SDR42E1: variants seen among roughly 807,000 people sequenced by gnomAD.
The protein encoded by SDR42E1 is short chain dehydrogenase/reductase family 42E, member 1, also known as short-chain dehydrogenase/reductase family 42E member 1.
A neutral mutation model predicts 2.6 loss-of-function variants in SDR42E1; 5 were observed. The ratio of observed to expected loss-of-function variants is 1.94; its 90% confidence interval spans 1.01 to 4.08. The LOEUF (loss-of-function observed/expected upper bound fraction) is 4.08. SDR42E1 is among the 30% of genes most tolerant of loss of function. The probability of loss-of-function intolerance (pLI) is 0.00; values close to 1 mark genes in which losing one functional copy is unlikely to be tolerated. For missense variants in SDR42E1, 596 were observed against 478.6 expected (o/e 1.25, Z -2.29); for synonymous variants, 231 against 188.3 (o/e 1.23, Z -1.86).
rs1424121626 is a variant in SDR42E1, at chr16:81,992,085, G to A, written c.*7026C>T. 1 of 152,150 alleles carries A rather than the reference G, an allele frequency of 6.6e-6. No individual in the cohort carries two copies. Among genetic ancestry groups the A allele is most frequent in the African/African-American group, 2.4e-5 (1 of 41,376 alleles). 9.4% of individuals were successfully genotyped at this position (152,150 alleles called of 1,614,324 possible). On this transcript the variant is annotated 3_prime_UTR_variant, in exon 3 of 3. Coordinates refer to ENST00000328945, the MANE Select transcript of SDR42E1 (RefSeq NM_145168.3). Reference sequence around the variant, plus strand: ...GCAGAAGAATCGCTTGAACCCAGGAGGTGGAGGTTGCAGTGAGCTGAGATC... The same window carrying A: ...GCAGAAGAATCGCTTGAACCCAGGAAGTGGAGGTTGCAGTGAGCTGAGATC...
At position 81,990,287 on chromosome 16, in the gene SDR42E1, G is replaced by A. The variant is rs187923478; in HGVS notation, c.*8824C>T. ...TACACTTCAGCCTGGTCGACAGAGT[G>A]ACACCATGTCTCAAAAGAAAAAAAG... On this transcript the variant is annotated 3_prime_UTR_variant, in exon 3 of 3. Coordinates refer to ENST00000328945, the MANE Select transcript of SDR42E1 (RefSeq NM_145168.3). 3.9e-5 allele frequency: 6 copies of A among 152,220 alleles called. No individual in the cohort carries two copies. The highest frequency in any genetic ancestry group is 3.9e-4 in the East Asian group (2 of 5,182). 9.4% of individuals were successfully genotyped at this position (152,220 alleles called of 1,614,324 possible). A position where few individuals can be genotyped will look rare whatever the true frequency, so the allele number is the denominator to read the frequency against.
At chr16:82,004,166 T>C (rs1465205167) in intron 1 of SDR42E1, among the ~76,000 whole-genome samples, 2 of 152,190 alleles carry the variant, frequency 1.3e-5, no homozygotes, top group African/African-American at 4.8e-5. Context: ...ACTGTTATAA[T>C]GTTGGTATAA....
At position 82,000,903 on chromosome 16, in the gene SDR42E1, A is replaced by G. The variant is rs749132781; in HGVS notation, c.-26-19T>C. The G allele has an allele frequency of 2.6e-6, 4 of 1,525,070 alleles. No individual in the cohort carries two copies. The highest frequency in any genetic ancestry group is 1.4e-5 in the African/African-American group (1 of 71,746). 94.5% of individuals were successfully genotyped at this position (1,525,070 alleles called of 1,614,324 possible). ...ACTGGACCTGAAGAAAGAAGTATGC[A>G]TCACTGTTACTGATCCAAATGCAAA... On this transcript the variant is annotated intron_variant, in intron 1 of 2. Coordinates refer to ENST00000328945, the MANE Select transcript of SDR42E1 (RefSeq NM_145168.3).
rs1779290608 is a variant in SDR42E1 at position 81,998,167 on chromosome 16, T to G, written c.*944A>C. 6.6e-6 allele frequency: 1 copy of G among 152,198 alleles called. No homozygotes were observed. The highest frequency in any genetic ancestry group is 2.4e-5 in the African/African-American group (1 of 41,448). 9.4% of individuals were successfully genotyped at this position (152,198 alleles called of 1,614,324 possible). On this transcript the variant is annotated 3_prime_UTR_variant, in exon 3 of 3. Coordinates refer to ENST00000328945, the MANE Select transcript of SDR42E1 (RefSeq NM_145168.3). ...TTCAGAGAGCCAATCTTCTTCCCAG[T>G]AAGAAAACCCATCTATGAGTTTAGA... is the stretch of plus-strand genomic sequence containing the variant.
At chr16:82,010,736 T>G (rs1339738190) in intron 1 of SDR42E1, among the ~76,000 whole-genome samples, 1 of 152,186 alleles carries the variant, frequency 6.6e-6, no homozygotes, top group African/African-American at 2.4e-5. Flanking sequence ...CTCCCTAAAA[T>G]GTAGAAAACG....
At position 81,999,746 on chromosome 16, in the gene SDR42E1, G is replaced by T. The variant is rs928988061; in HGVS notation, c.547C>A (p.Leu183Met). ...RGDGVLRTCA[L>M]RPAGIYGPGE... ...GGCCCATAGATGCCAGCTGGCCTCAGAGCGCAGGTTCTTAAGACACCGTCG... is the reference window on the plus strand; with the variant it reads ...GGCCCATAGATGCCAGCTGGCCTCATAGCGCAGGTTCTTAAGACACCGTCG... The change falls in exon 3 of 3, where the codon CTG becomes ATG. Residue 183 changes from leucine to methionine, a missense_variant. Leu to Met is a conservative substitution (Grantham distance 15, BLOSUM62 2). Transcript: ENST00000328945. 6.2e-7 allele frequency: 1 copy of T among 1,614,218 alleles called. No individual in the cohort carries two copies. Among genetic ancestry groups the T allele is most frequent in the East Asian group, 2.2e-5 (1 of 44,884 alleles).
chr16:81,999,584 C>T lies in SDR42E1; in HGVS notation c.709G>A (p.Glu237Lys), dbSNP rs1421696937. The change falls in exon 3 of 3, where the codon GAA becomes AAA. Residue 237 changes from glutamate to lysine, a missense_variant. Transcript: ENST00000328945. Reference sequence around the variant, plus strand: ...TGGCCCTTGTCAGCTCTCAGGGCTTCTGAGGCCAGAATGTGAGCCTGCACC... The same window carrying T: ...TGGCCCTTGTCAGCTCTCAGGGCTTTTGAGGCCAGAATGTGAGCCTGCACC... ...NLVQAHILAS[E>K]ALRADKGHIA... The T allele has an allele frequency of 2.8e-5, 46 of 1,614,040 alleles. No homozygotes were observed. The highest frequency in any genetic ancestry group is 3.6e-5 in the Non-Finnish European group (43 of 1,180,044).
At position 81,999,220 on chromosome 16, in the gene SDR42E1, C is replaced by T. The variant is rs370090752; in HGVS notation, c.1073G>A (p.Ser358Asn). ...ACACTCCGAGTCACGACTTCCAGAACTTCTGCCATGACCATGGGCTTTAAA... is the reference window on the plus strand; with the variant it reads ...ACACTCCGAGTCACGACTTCCAGAATTTCTGCCATGACCATGGGCTTTAAA... Reference protein sequence around the residue: ...EWFKAHGHGRSSGSRDSECFV... With the variant: ...EWFKAHGHGRNSGSRDSECFV... Residue 358 changes from serine to asparagine, a missense_variant, in exon 3 of 3, where the codon AGT (serine) becomes AAT (asparagine). Physicochemically the swap from Ser to Asn is conservative, Grantham distance 46. Coordinates refer to ENST00000328945, the MANE Select transcript of SDR42E1 (RefSeq NM_145168.3). 1.2e-5 allele frequency: 19 copies of T among 1,614,128 alleles called. No homozygotes were observed. In the African/African-American group the frequency reaches 2.0e-4, roughly 17 times the overall value.
intron 1 of SDR42E1, among the ~76,000 whole-genome samples, chr16:82,009,131 A>C (rs1913042918): frequency 6.6e-6 from 1 of 152,184 alleles, no homozygotes. Context: ...GGATGTATGG[A>C]AACTCCTGGA....
rs1912699462 is a variant in SDR42E1, at chr16:82,000,051, G to A, written c.242C>T (p.Ser81Phe). The change falls in exon 3 of 3, where the codon TCT (serine) becomes TTT (phenylalanine). Residue 81 changes from serine to phenylalanine, a missense_variant. Transcript: ENST00000328945. ...ADVTCVFHIA[S>F]YGMSGREQLN... ...TTGCTCCCGCCCTGACATACCATAA[G>A]AGGCAATATGGAACACACAAGTGAC... 6.2e-7 allele frequency: 1 copy of A among 1,614,210 alleles called. No homozygotes were observed. The highest frequency in any genetic ancestry group is 8.5e-7 in the Non-Finnish European group (1 of 1,180,040).
At chr16:82,008,123 C>A (rs1324273660) in intron 1 of SDR42E1, among the ~76,000 whole-genome samples, 1 of 152,212 alleles carries the variant, frequency 6.6e-6, no homozygotes, top group Non-Finnish European at 1.5e-5. Context: ...AACTCTCTTG[C>A]CAGCCACCAT....
At position 82,000,192 on chromosome 16, in the gene SDR42E1, T is replaced by C; in HGVS notation, c.101A>G (p.His34Arg). ...LGCALNQNGV[H>R]VILFDISSPA... is the part of the protein sequence containing the mutation. ...GCTGCTGATGTCAAACAGAATCACATGGACTCCATTTTGGTTCAGGGCACA... is the reference window on the plus strand; with the variant it reads ...GCTGCTGATGTCAAACAGAATCACACGGACTCCATTTTGGTTCAGGGCACA... Residue 34 changes from histidine to arginine, a missense_variant, in exon 3 of 3, where the codon CAT becomes CGT. Coordinates refer to ENST00000328945, the MANE Select transcript of SDR42E1 (RefSeq NM_145168.3). 1.9e-6 allele frequency: 3 copies of C among 1,610,128 alleles called. No homozygotes were observed. The highest frequency in any genetic ancestry group is 1.3e-5 in the African/African-American group (1 of 75,006).
chr16:81,999,974 G>C lies in SDR42E1; in HGVS notation c.319C>G (p.Leu107Val), dbSNP rs1370586954. ...ACCCTTCTCCTTTGGCAAACCTGGA[G>C]GATGTTGTCTGTGCCCCTGACGTTG... is the stretch of plus-strand genomic sequence containing the variant. ...EVNVRGTDNI[L>V]QVCQRRRVPR... The change falls in exon 3 of 3, where the codon CTC becomes GTC. Residue 107 changes from leucine to valine, a missense_variant. Coordinates refer to ENST00000328945, the MANE Select transcript of SDR42E1 (RefSeq NM_145168.3). The C allele has an allele frequency of 6.2e-7, 1 of 1,614,212 alleles. No homozygotes were observed. The highest frequency in any genetic ancestry group is 2.2e-5 in the East Asian group (1 of 44,876).
At position 82,000,810 on chromosome 16, in the gene SDR42E1, T is replaced by A. The variant is rs1416251947; in HGVS notation, c.49A>T (p.Ser17Cys). Residue 17 changes from serine (S) to cysteine (C), a missense_variant, in exon 2 of 3, where the codon AGT (serine) becomes TGT (cysteine). Ser to Cys is a moderately radical substitution (Grantham distance 112, BLOSUM62 -1). Coordinates refer to ENST00000328945, the MANE Select transcript of SDR42E1 (RefSeq NM_145168.3). Reference protein sequence around the residue: ...QKESVLITGGSGYFGFRLGCA... With the variant: ...QKESVLITGGCGYFGFRLGCA... ...ACTTACCGAAAACCAAAATAGCCACTTCCTCCTGTAATGAGGACACTTTCC... is the reference window on the plus strand; with the variant it reads ...ACTTACCGAAAACCAAAATAGCCACATCCTCCTGTAATGAGGACACTTTCC... 1 of 1,613,694 alleles carries A rather than the reference T, an allele frequency of 6.2e-7. No individual in the cohort carries two copies. Among genetic ancestry groups the A allele is most frequent in the South Asian group, 1.1e-5 (1 of 90,996 alleles).
chr16:82,008,547 G>A (rs757263668), intron 1 of SDR42E1, among the ~76,000 whole-genome samples: 3 of 152,178 alleles, frequency 2.0e-5, no homozygotes, highest in African/African-American at 4.8e-5. Context: ...AAAGTGACTC[G>A]TTATGTTTTA....
chr16:82,000,923 T>G, intron 1 of SDR42E1, 39 bp from the exon 2 acceptor site: 1 of 1,376,804 alleles, frequency 7.3e-7, no homozygotes, highest in Non-Finnish European at 1.0e-6. Context: ...CTGATCCAAA[T>G]GCAAACGTCA....
chr16:82,006,016 A>G (rs557828181), intron 1 of SDR42E1, among the ~76,000 whole-genome samples: 1 of 152,222 alleles, frequency 6.6e-6, no homozygotes, highest in Non-Finnish European at 1.5e-5. Flanking sequence ...AATGCTAAAG[A>G]TCAGAAATAA....
chr16:82,011,007 C>G (rs933039819), intron 1 of SDR42E1, among the ~76,000 whole-genome samples: 1 of 152,172 alleles, frequency 6.6e-6, no homozygotes. Context: ...GTCACTGCCA[C>G]TTTTAAGTGG....
In SDR42E1 at chr16:81,994,033, G is replaced by A. The variant is rs1367525552; in HGVS notation, c.*5078C>T. ...GCTGCCTTTGGAAACCACGGGGTAGGATCACCTGTACCCAGGAGTGGACTG... is the reference window on the plus strand; with the variant it reads ...GCTGCCTTTGGAAACCACGGGGTAGAATCACCTGTACCCAGGAGTGGACTG... On this transcript the variant is annotated 3_prime_UTR_variant, in exon 3 of 3. Transcript: ENST00000328945. 5 of 152,174 alleles carry A rather than the reference G, an allele frequency of 3.3e-5. No homozygotes were observed. The highest frequency in any genetic ancestry group is 6.5e-5 in the Admixed American group (1 of 15,278). The allele number at this position is 152,174 out of a possible 1,614,324, so 9.4% of individuals were successfully genotyped here. A position where few individuals can be genotyped will look rare whatever the true frequency, so the allele number is the denominator to read the frequency against.
Sources: allele counts gnomAD v4.1 joint callset (sites outside exome capture counted in the v4.1 genomes callset), GRCh38; gene constraint gnomAD v4.1.1; transcripts MANE v1.5; gene names NCBI Gene and HGNC (gene_info 2026-07-23, HGNC 2026-07-21).